BMP2K: variants seen among roughly 807,000 people sequenced by gnomAD.
The protein encoded by BMP2K is BMP-2-inducible protein kinase.
Under a neutral mutation model 116.0 loss-of-function variants are expected in BMP2K, and 74 were observed. That is an observed-to-expected ratio of 0.64 (90% CI 0.53 to 0.77). BMP2K has a LOEUF of 0.77. BMP2K is among the 30% of genes least tolerant of loss of function. The pLI is 0.00. For synonymous variants in BMP2K, 486 were observed against 502.5 expected, an observed-to-expected ratio of 0.97 and a Z score of 0.44; for missense variants, 1,365 against 1,403.6, an observed-to-expected ratio of 0.97 and a Z score of 0.44.
At chr4:78,815,631 GAA>G (rs3836652) in intron 1 of BMP2K, among the ~76,000 whole-genome samples, 9,479 of 152,104 alleles carry the variant, frequency 0.062, 402 homozygotes, top group East Asian at 0.22. Flanking sequence ...TACAGAAGTT[GAA>G]AGAGTGGTAC....
At chr4:78,867,648 A>G (rs964329124) in intron 10 of BMP2K, among the ~76,000 whole-genome samples, 3 of 152,174 alleles carry the variant, frequency 2.0e-5, no homozygotes, top group Non-Finnish European at 2.9e-5. Flanking sequence ...GAAAATGTAA[A>G]TGTCTCCCTC....
At chr4:78,854,978 G>T (rs902339386) in intron 7 of BMP2K, among the ~76,000 whole-genome samples, 1 of 151,898 alleles carries the variant, frequency 6.6e-6, no homozygotes. Context: ...ATGAAGATAC[G>T]GTTTCCTTGG....
chr4:78,905,384 A>G (rs1304954543), intron 15 of BMP2K, among the ~76,000 whole-genome samples: 1 of 151,926 alleles, frequency 6.6e-6, no homozygotes, highest in Non-Finnish European at 1.5e-5. Context: ...ATTCTACCAT[A>G]TTTAGTTAAA....
chr4:78,896,552 G>T (rs562861017), intron 15 of BMP2K, among the ~76,000 whole-genome samples: 54 of 152,258 alleles, frequency 3.5e-4, no homozygotes, highest in Middle Eastern at 3.4e-3. Context: ...AGCACAAAAA[G>T]TGACTGGCAC....
At chr4:78,841,184 T>C (rs1235407538) in intron 3 of BMP2K, among the ~76,000 whole-genome samples, 1 of 152,160 alleles carries the variant, frequency 6.6e-6, no homozygotes, top group Admixed American at 6.6e-5. Flanking sequence ...GCTTAGACAG[T>C]AATAATAAAA....
At chr4:78,871,722 G>T in intron 11 of BMP2K, 128 bp from the exon 12 acceptor site, 1 of 537,272 alleles carries the variant, frequency 1.9e-6, no homozygotes, top group East Asian at 3.1e-5. Flanking sequence ...GTAATTTAGA[G>T]TATAGCTATT....
intron 11 of BMP2K, among the ~76,000 whole-genome samples, chr4:78,871,425 T>C (rs1560538688): frequency 6.6e-6 from 1 of 152,146 alleles, no homozygotes; most frequent in Non-Finnish European, 1.5e-5. Flanking sequence ...AACATTGTCT[T>C]AGATTTTTGT....
At chr4:78,863,072 T>A (rs1028997687) in intron 9 of BMP2K, among the ~76,000 whole-genome samples, 30 of 152,194 alleles carry the variant, frequency 2.0e-4, no homozygotes, top group Middle Eastern at 6.8e-3. Context: ...TGATTATTTT[T>A]TCACCCTAAT....
chr4:78,807,981 A>T (rs1728904425), intron 1 of BMP2K, among the ~76,000 whole-genome samples: 1 of 151,072 alleles, frequency 6.6e-6, no homozygotes, highest in Non-Finnish European at 1.5e-5. Flanking sequence ...TATTTGTTTC[A>T]CTTATTTCCA....
intron 10 of BMP2K, among the ~76,000 whole-genome samples, chr4:78,866,287 A>C (rs1197248546): frequency 2.6e-5 from 4 of 152,120 alleles, no homozygotes; most frequent in Non-Finnish European, 5.9e-5. Context: ...GAGTAAACTT[A>C]TTTTTCTCAA....
At chr4:78,801,796 C>G (rs1356985427) in intron 1 of BMP2K, among the ~76,000 whole-genome samples, 1 of 152,170 alleles carries the variant, frequency 6.6e-6, no homozygotes, top group African/African-American at 2.4e-5. Flanking sequence ...ACTGTCTTCT[C>G]TCCTCTTGAG....
At chr4:78,797,157 T>C (rs1274312066) in intron 1 of BMP2K, among the ~76,000 whole-genome samples, 1 of 152,216 alleles carries the variant, frequency 6.6e-6, no homozygotes, top group East Asian at 1.9e-4. Context: ...CTAATAAGTA[T>C]ATGAATCACC....
chr4:78,794,728 A>G (rs1728170608), intron 1 of BMP2K, among the ~76,000 whole-genome samples: 1 of 152,044 alleles, frequency 6.6e-6, no homozygotes, highest in Admixed American at 6.6e-5. Context: ...GCACCTGGCT[A>G]ATTTTTAAAA....
intron 8 of BMP2K, among the ~76,000 whole-genome samples, chr4:78,860,563 C>T (rs1487920507): frequency 6.6e-6 from 1 of 151,816 alleles, no homozygotes; most frequent in East Asian, 1.9e-4. Flanking sequence ...ATTTTATTCA[C>T]TGACTGTACA....
intron 14 of BMP2K, among the ~76,000 whole-genome samples, chr4:78,883,131 A>AAGAT (rs1732938592): frequency 6.6e-6 from 1 of 152,164 alleles, no homozygotes; most frequent in African/African-American, 2.4e-5. Context: ...AATTCTTGAA[A>AAGAT]AGATACTGTC....
intron 7 of BMP2K, among the ~76,000 whole-genome samples, chr4:78,855,813 G>A (rs1277580482): frequency 6.6e-6 from 1 of 152,086 alleles, no homozygotes; most frequent in Non-Finnish European, 1.5e-5. Flanking sequence ...TATTGAGTGA[G>A]CAGAGAAATA....
chr4:78,868,324 C>A (rs1224253864), intron 10 of BMP2K, among the ~76,000 whole-genome samples: 1 of 152,128 alleles, frequency 6.6e-6, no homozygotes, highest in African/African-American at 2.4e-5. Context: ...GAGACTTATT[C>A]ACTATCACAA....
intron 7 of BMP2K, among the ~76,000 whole-genome samples, chr4:78,856,624 A>C (rs1731517380): frequency 6.6e-6 from 1 of 152,002 alleles, no homozygotes; most frequent in South Asian, 2.1e-4. Flanking sequence ...ATCTTTTCAT[A>C]CTTTGAATTT....
chr4:78,867,800 C>T (rs948648349), intron 10 of BMP2K, among the ~76,000 whole-genome samples: 7 of 152,170 alleles, frequency 4.6e-5, no homozygotes, highest in Admixed American at 3.9e-4. Flanking sequence ...GGCTCACTGC[C>T]TGTAATCCCA....
Sources: allele counts gnomAD v4.1 joint callset (sites outside exome capture counted in the v4.1 genomes callset), GRCh38; gene constraint gnomAD v4.1.1; transcripts MANE v1.5; gene names NCBI Gene and HGNC (gene_info 2026-07-23, HGNC 2026-07-21).